Variants in PPP1R14D observed in about 807,000 individuals in gnomAD.
PPP1R14D encodes the protein protein phosphatase 1 regulatory inhibitor subunit 14D.
PPP1R14D carries 14 observed loss-of-function variants against 17.1 expected under a neutral mutation model. The observed-to-expected ratio is 0.82, with a 90% CI of 0.54 to 1.28. PPP1R14D has a LOEUF of 1.28. Among genes scored for constraint, PPP1R14D ranks in the 50% most tolerant of loss-of-function variants. The pLI, the probability that PPP1R14D is intolerant of heterozygous loss-of-function variation, is 0.00. For synonymous variants in PPP1R14D, 67 were observed against 66.1 expected, an observed-to-expected ratio of 1.01 and a Z score of -0.06; for missense variants, 173 against 179.2, an observed-to-expected ratio of 0.97 and a Z score of 0.20.
intron 1 of PPP1R14D, among the ~76,000 whole-genome samples, chr15:40,816,576 G>A (rs1890670982): frequency 6.6e-6 from 1 of 151,668 alleles, no homozygotes; most frequent in Admixed American, 6.6e-5. Context: ...AGCCGGGCAT[G>A]GTGGTGGACG....
At chr15:40,816,075 C>T in intron 2 of PPP1R14D, 81 bp from the exon 3 acceptor site, 1 of 1,603,884 alleles carries the variant, frequency 6.2e-7, no homozygotes, top group Non-Finnish European at 8.5e-7. Flanking sequence ...AGAATTCTCC[C>T]CTCTGGATTG....
intron 1 of PPP1R14D, among the ~76,000 whole-genome samples, chr15:40,822,847 T>C (rs1215931362): frequency 6.6e-6 from 1 of 151,692 alleles, no homozygotes; most frequent in Non-Finnish European, 1.5e-5. Flanking sequence ...TCTCATTCTG[T>C]CACCCAGGCT....
intron 1 of PPP1R14D, among the ~76,000 whole-genome samples, chr15:40,821,795 G>A (rs1890782444): frequency 6.6e-6 from 1 of 152,110 alleles, no homozygotes; most frequent in African/African-American, 2.4e-5. Flanking sequence ...GGGTGTGGTG[G>A]TGCATGCCTG....
At chr15:40,819,439 T>C (rs12050702) in intron 1 of PPP1R14D, among the ~76,000 whole-genome samples, 12,179 of 151,648 alleles carry the variant, frequency 0.08, 1,197 homozygotes, top group African/African-American at 0.24. Context: ...ATCCCAGCTA[T>C]TTGGGAGGCT....
chr15:40,822,112 A>AT (rs1462511592), intron 1 of PPP1R14D, among the ~76,000 whole-genome samples: 1 of 151,970 alleles, frequency 6.6e-6, no homozygotes, highest in African/African-American at 2.4e-5. Flanking sequence ...CCCCATCTCT[A>AT]TTTTTTAAAA....
In PPP1R14D at chr15:40,828,447, C is replaced by T. The variant is rs552440006; in HGVS notation, c.195G>A (p.Gln65=). The change falls in exon 1 of 4, where the codon CAG becomes CAA. Residue 65 remains glutamine, a synonymous_variant. Coordinates refer to ENST00000299174, the MANE Select transcript of PPP1R14D (RefSeq NM_017726.8). ...GCTCCATCTCCAGCCAGCGCTGGAGCTGGCCCCGGTCATACTTCACTGTCA... is the reference window on the plus strand; with the variant it reads ...GCTCCATCTCCAGCCAGCGCTGGAGTTGGCCCCGGTCATACTTCACTGTCA... ...SRLTVKYDRG[Q]LQRWLEMEQW... is the part of the protein sequence containing the mutation. The T allele has an allele frequency of 6.2e-7, 1 of 1,614,100 alleles. No homozygotes were observed. Among genetic ancestry groups the T allele is most frequent in the South Asian group, 1.1e-5 (1 of 91,058 alleles).
At chr15:40,820,452 C>A (rs1042971713) in intron 1 of PPP1R14D, among the ~76,000 whole-genome samples, 1 of 151,878 alleles carries the variant, frequency 6.6e-6, no homozygotes, top group Non-Finnish European at 1.5e-5. Context: ...AGCCACCGAG[C>A]CTGGCCTAGA....
At position 40,816,172 on chromosome 15, in the gene PPP1R14D, C is replaced by G. The variant is rs769424296; in HGVS notation, c.337G>C (p.Glu113Gln). 13 of 1,614,060 alleles carry G rather than the reference C, an allele frequency of 8.1e-6. No individual in the cohort carries two copies. The highest frequency in any genetic ancestry group is 1.0e-5 in the Non-Finnish European group (12 of 1,179,906). ...CCAGCTTCTAGCCCCCATCCTACCT[C>G]CAGCTGAGTCTTCTGCTCCTCTGTG... ...LSTEEQKTQL[E>Q]AILGNCPRPT... is the part of the protein sequence containing the mutation. Residue 113 changes from glutamate (E) to glutamine (Q), a missense_variant and splice_region_variant, in exon 2 of 4, where the codon GAG (glutamate) becomes CAG (glutamine). By Grantham distance (29) the Glu-to-Gln change is conservative (BLOSUM62 2). Transcript: ENST00000299174.
chr15:40,824,416 G>A (rs1890836494), intron 1 of PPP1R14D, among the ~76,000 whole-genome samples: 1 of 151,516 alleles, frequency 6.6e-6, no homozygotes, highest in South Asian at 2.1e-4. Context: ...TGTCACCCAG[G>A]CTGGAGTGCA....
At chr15:40,822,272 C>T (rs2141987826) in intron 1 of PPP1R14D, among the ~76,000 whole-genome samples, 1 of 151,240 alleles carries the variant, frequency 6.6e-6, no homozygotes. Flanking sequence ...ATTGCTTGAG[C>T]CCAAAAGTTC....
chr15:40,816,490 A>G (rs2141984251), intron 1 of PPP1R14D, among the ~76,000 whole-genome samples: 1 of 152,326 alleles, frequency 6.6e-6, no homozygotes. Flanking sequence ...AGGCAGGCAG[A>G]TCACCTGAGG....
In PPP1R14D at chr15:40,815,766, G is replaced by C; in HGVS notation, c.373-5C>G. The C allele has an allele frequency of 1.2e-6, 2 of 1,604,590 alleles. No individual in the cohort carries two copies. Among genetic ancestry groups the C allele is most frequent in the Non-Finnish European group, 1.7e-6 (2 of 1,173,698 alleles). On this transcript the variant is annotated splice_polypyrimidine_tract_variant and splice_region_variant and intron_variant, in intron 3 of 3. Transcript: ENST00000299174. ...GAGCAGCTCAGAGATAAAAGCCTGA[G>C]GGAGAAACAGGAGTGAGACCAGGCT...
rs746621760 is a variant in PPP1R14D, at chr15:40,815,983, C to T, written c.351G>A (p.Gly117=). 1 of 1,613,958 alleles carries T rather than the reference C, an allele frequency of 6.2e-7. No homozygotes were observed. The highest frequency in any genetic ancestry group is 1.7e-5 in the Admixed American group (1 of 59,976). ...TTACCTCTGTGGGGCGGGGGCAGTT[C>T]CCAAGAATGGCCTAGATAGGAGAGA... is the stretch of plus-strand genomic sequence containing the variant. ...EQKTQLEAIL[G]NCPRPTEAFI... Residue 117 remains glycine (G), a synonymous_variant, in exon 3 of 4, where the codon GGG becomes GGA. Coordinates refer to ENST00000299174, the MANE Select transcript of PPP1R14D (RefSeq NM_017726.8).
chr15:40,827,248 C>T (rs1327511744), intron 1 of PPP1R14D, among the ~76,000 whole-genome samples: 1 of 152,198 alleles, frequency 6.6e-6, no homozygotes, highest in Non-Finnish European at 1.5e-5. Context: ...GTGGCTCACG[C>T]CTGTAATCCC....
chr15:40,826,213 C>G (rs1364260072), intron 1 of PPP1R14D, among the ~76,000 whole-genome samples: 2 of 152,032 alleles, frequency 1.3e-5, no homozygotes, highest in East Asian at 3.9e-4. Context: ...ATACCTTGAC[C>G]AAACTGACAC....
At chr15:40,827,361 A>G (rs2141990582) in intron 1 of PPP1R14D, among the ~76,000 whole-genome samples, 1 of 152,250 alleles carries the variant, frequency 6.6e-6, no homozygotes, top group South Asian at 2.1e-4. Context: ...ATACAAAATT[A>G]GTCGGGCACA....
rs776945699 is a variant in PPP1R14D, at chr15:40,815,686, T to C, written c.*10A>G. 2 of 1,613,608 alleles carry C rather than the reference T, an allele frequency of 1.2e-6. No individual in the cohort carries two copies. Among genetic ancestry groups the C allele is most frequent in the Non-Finnish European group, 8.5e-7 (1 of 1,179,750 alleles). On this transcript the variant is annotated 3_prime_UTR_variant, in exon 4 of 4. Transcript: ENST00000299174. The stretch of plus-strand genomic sequence containing the variant: ...GCAGTGCTGAGGCTGCTAAAGATGG[T>C]CTCTCAGGCTTATTTCTGAGGCCGG...
chr15:40,818,186 G>C (rs1890706311), intron 1 of PPP1R14D, among the ~76,000 whole-genome samples: 1 of 151,376 alleles, frequency 6.6e-6, no homozygotes. Context: ...CTACTCGGGA[G>C]GCTGAGGCAG....
intron 1 of PPP1R14D, among the ~76,000 whole-genome samples, chr15:40,827,090 C>T (rs1427806453): frequency 6.6e-6 from 1 of 152,236 alleles, no homozygotes; most frequent in Non-Finnish European, 1.5e-5. Context: ...GGTATTGGCA[C>T]TCAACTTTGG....
Sources: gnomAD v4.1 joint callset for allele counts (sites outside exome capture counted in the v4.1 genomes callset) on GRCh38, gnomAD v4.1.1 for gene constraint, MANE v1.5 for transcripts, NCBI Gene and HGNC (gene_info 2026-07-23, HGNC 2026-07-21) for gene names.